SCN1A: variants seen among roughly 807,000 people sequenced by gnomAD.
SCN1A encodes the protein sodium voltage-gated channel alpha subunit 1, also known as sodium channel protein type 1 subunit alpha.
In SCN1A, 13 loss-of-function variants were observed where a neutral mutation model predicts 193.7. That is an observed-to-expected ratio of 0.07 (90% CI 0.04 to 0.11). The LOEUF is 0.11. Ranked by LOEUF, SCN1A falls within the 10% of genes least tolerant of loss-of-function variation. The probability of loss-of-function intolerance (pLI) is 1.00; values close to 1 mark genes in which losing one functional copy is unlikely to be tolerated. For synonymous variants in SCN1A, 781 were observed against 843.6 expected (o/e 0.93, Z 1.29); for missense variants, 1,432 against 2,451.1 (o/e 0.58, Z 8.78).
At position 166,053,085 on chromosome 2, in the gene SCN1A, G is replaced by A. The variant is rs1338052221; in HGVS notation, c.603-142C>T. On this transcript the variant is annotated intron_variant, in intron 7 of 28. Transcript: ENST00000674923. ...TCAAAGCTCTCAAGACTCTGAAAGT[G>A]CGAAGAGCTGAAAAATTGCCTAGGT... 3.9e-5 allele frequency: 54 copies of A among 1,371,026 alleles called. 3 individuals carry two copies. The South Asian group carries it at 5.7e-4, about 15-fold the overall frequency. The allele number at this position is 1,371,026 out of a possible 1,614,324, so 84.9% of individuals were successfully genotyped here. A position where few individuals can be genotyped will look rare whatever the true frequency, so the allele number is the denominator to read the frequency against.
At chr2:166,047,061 A>C in intron 11 of SCN1A, 85 bp from the exon 12 acceptor site, 2 of 1,438,298 alleles carry the variant, frequency 1.4e-6, no homozygotes, top group Non-Finnish European at 1.9e-6. Flanking sequence ...TGTGTCTAGC[A>C]AAACTCAGAT....
chr2:166,084,780 C>T (rs1433247612), intron 2 of SCN1A, among the ~76,000 whole-genome samples: 1 of 151,942 alleles, frequency 6.6e-6, no homozygotes, highest in Non-Finnish European at 1.5e-5. Context: ...TTAAGGGTAC[C>T]CTGAGAATGA....
intron 12 of SCN1A, 78 bp from the exon 13 acceptor site, chr2:166,045,405 T>G: frequency 6.7e-7 from 1 of 1,484,300 alleles, no homozygotes; most frequent in Non-Finnish European, 9.3e-7. Context: ...AGTATTTGCA[T>G]GGCTTTTAAA....
intron 2 of SCN1A, among the ~76,000 whole-genome samples, chr2:166,100,628 A>G (rs1002774390): frequency 1.3e-5 from 2 of 149,494 alleles, no homozygotes; most frequent in African/African-American, 2.5e-5. Flanking sequence ...CAAAGGGCTA[A>G]TATCCAGAAT....
chr2:166,038,057 C>A lies in SCN1A; in HGVS notation c.2665G>T (p.Ala889Ser), dbSNP rs1266877537. The A allele has an allele frequency of 6.2e-7, 1 of 1,614,178 alleles. No homozygotes were observed. The highest frequency in any genetic ancestry group is 1.7e-5 in the Admixed American group (1 of 60,024). ...AAGACGAGGGTTAAATTTCCCAGAG[C>A]CCCCACGGAATTGCCGATGATCTTT... ...LIKIIGNSVG[A>S]LGNLTLVLAI... Residue 889 changes from alanine to serine, a missense_variant, in exon 18 of 29, where the codon GCT becomes TCT. By Grantham distance (99) the Ala-to-Ser change is moderately conservative (BLOSUM62 1). Coordinates refer to ENST00000674923, the MANE Select transcript of SCN1A (RefSeq NM_001165963.4).
intron 2 of SCN1A, among the ~76,000 whole-genome samples, chr2:166,087,612 A>G (rs1686283534): frequency 1.3e-5 from 2 of 152,112 alleles, no homozygotes; most frequent in East Asian, 1.9e-4. Context: ...TTCTGGTGCC[A>G]TGCTTCTTGT....
intron 11 of SCN1A, 79 bp downstream of exon 11, chr2:166,047,548 T>C: frequency 6.7e-7 from 1 of 1,490,888 alleles, no homozygotes; most frequent in African/African-American, 1.4e-5. Flanking sequence ...TATATTATCA[T>C]CCGGTTTTAA....
intron 21 of SCN1A, 40 bp from the exon 22 acceptor site, chr2:166,012,322 A>G: frequency 6.8e-7 from 1 of 1,475,474 alleles, no homozygotes; most frequent in Non-Finnish European, 9.4e-7. Flanking sequence ...TTTCAAAAAT[A>G]ATTATACTCC....
chr2:166,079,862 G>T (rs777736658), intron 2 of SCN1A, among the ~76,000 whole-genome samples: 86 of 151,308 alleles, frequency 5.7e-4, no homozygotes, highest in Non-Finnish European at 1.0e-3. Context: ...ATATTATAAT[G>T]AAATCATACT....
At chr2:166,078,898 T>C (rs1031251021) in intron 2 of SCN1A, among the ~76,000 whole-genome samples, 4 of 151,680 alleles carry the variant, frequency 2.6e-5, no homozygotes, top group African/African-American at 9.7e-5. Flanking sequence ...GTGTTTAAAT[T>C]TTTCAAATGA....
intron 19 of SCN1A, among the ~76,000 whole-genome samples, chr2:166,023,334 C>G (rs1394926498): frequency 6.6e-6 from 1 of 152,210 alleles, no homozygotes; most frequent in Admixed American, 6.5e-5. Flanking sequence ...CACCCTTCTC[C>G]TGGCCCAGGC....
intron 1 of SCN1A, among the ~76,000 whole-genome samples, chr2:166,135,262 T>A (rs1691812348): frequency 6.6e-6 from 1 of 152,172 alleles, no homozygotes; most frequent in Non-Finnish European, 1.5e-5. Context: ...TTCAATTAGA[T>A]TTTTTTAATA....
At chr2:166,069,438 C>T (rs576921430) in intron 4 of SCN1A, among the ~76,000 whole-genome samples, 7 of 152,292 alleles carry the variant, frequency 4.6e-5, no homozygotes, top group African/African-American at 1.7e-4. Flanking sequence ...ATAATTTGCA[C>T]ATCTTAAACT....
At chr2:166,101,619 G>A (rs1048039176) in intron 2 of SCN1A, among the ~76,000 whole-genome samples, 2 of 151,936 alleles carry the variant, frequency 1.3e-5, no homozygotes, top group South Asian at 4.2e-4. Flanking sequence ...ATAATAGCAA[G>A]CAAGGCAGAA....
intron 1 of SCN1A, among the ~76,000 whole-genome samples, chr2:166,147,718 T>C (rs977222774): frequency 6.6e-6 from 1 of 152,198 alleles, no homozygotes; most frequent in African/African-American, 2.4e-5. Flanking sequence ...TAATTGTCTC[T>C]TTAAATTATT....
intron 19 of SCN1A, among the ~76,000 whole-genome samples, chr2:166,026,591 A>C (rs1574117896): frequency 6.6e-6 from 1 of 151,798 alleles, no homozygotes; most frequent in East Asian, 1.9e-4. Flanking sequence ...ATTGAAATTT[A>C]ATTTCATTTT....
At chr2:166,086,187 T>C (rs1282545209) in intron 2 of SCN1A, among the ~76,000 whole-genome samples, 2 of 152,188 alleles carry the variant, frequency 1.3e-5, no homozygotes, top group African/African-American at 4.8e-5. Flanking sequence ...CACTAACCAC[T>C]ATGAGGCTTT....
chr2:165,999,282 A>C (rs969137480), intron 25 of SCN1A, among the ~76,000 whole-genome samples: 2 of 151,480 alleles, frequency 1.3e-5, no homozygotes, highest in Admixed American at 1.3e-4. Flanking sequence ...ATTTGAAAGA[A>C]ATCATCACAG....
chr2:166,137,680 G>GGTAT (rs1397538271), intron 1 of SCN1A: 2 of 152,230 alleles, frequency 1.3e-5, no homozygotes, highest in Non-Finnish European at 2.9e-5. Context: ...TCATGTCTCA[G>GGTAT]GTATGTCATT....
Sources: allele counts gnomAD v4.1 joint callset (sites outside exome capture counted in the v4.1 genomes callset), GRCh38; gene constraint gnomAD v4.1.1; transcripts MANE v1.5; gene names NCBI Gene and HGNC (gene_info 2026-07-23, HGNC 2026-07-21).